Variants in GRIK1 observed in about 807,000 individuals in gnomAD.
The protein encoded by GRIK1 is glutamate ionotropic receptor kainate type subunit 1.
Under a neutral mutation model 105.7 loss-of-function variants are expected in GRIK1, and 69 were observed. The ratio of observed to expected loss-of-function variants is 0.65; its 90% CI spans 0.54 to 0.80. GRIK1 has a LOEUF of 0.80. GRIK1 is among the 30% of genes least tolerant of loss of function. GRIK1 has a pLI of 0.00. For synonymous variants in GRIK1, 438 were observed against 431.3 expected, an observed-to-expected ratio of 1.02 and a Z score of -0.19; for missense variants, 1,109 against 1,167.3, an observed-to-expected ratio of 0.95 and a Z score of 0.73.
intron 1 of GRIK1, among the ~76,000 whole-genome samples, chr21:29,758,020 A>T (rs2065395531): frequency 6.6e-6 from 1 of 152,202 alleles, no homozygotes; most frequent in Non-Finnish European, 1.5e-5. Context: ...CTAATCAGAG[A>T]ACAGTGAAGG....
chr21:29,662,145 C>T (rs981739225), intron 4 of GRIK1, among the ~76,000 whole-genome samples: 2 of 152,194 alleles, frequency 1.3e-5, no homozygotes, highest in African/African-American at 4.8e-5. Context: ...GAAGCTCATA[C>T]TAATAGATAT....
intron 1 of GRIK1, among the ~76,000 whole-genome samples, chr21:29,750,989 T>C (rs2065185340): frequency 6.6e-6 from 1 of 151,702 alleles, no homozygotes; most frequent in Non-Finnish European, 1.5e-5. Context: ...TAGTGGAAAA[T>C]TACAGTCAAA....
Position 29,719,081 on chromosome 21 carries a change from C to CATATATATATATAT in GRIK1, c.119-25032_119-25019dup, listed in dbSNP as rs71335089. Among the ~76,000 whole-genome samples, 320 of 143,306 alleles carry CATATATATATATAT rather than the reference C, an allele frequency of 2.2e-3. 1 individual carries two copies. The highest frequency in any genetic ancestry group is 3.1e-3 in the Admixed American group (44 of 14,244). The allele number at this position is 143,306 out of a possible 152,430, so 94.0% of individuals were successfully genotyped here. A position where few individuals can be genotyped will look rare whatever the true frequency, so the allele number is the denominator to read the frequency against. On this transcript the variant is annotated intron_variant, in intron 1 of 17. Transcript: ENST00000327783. The stretch of plus-strand genomic sequence containing the variant: ...GTAGAAAGGTGTGTGTGTGTATATA[C>CATATATATATATAT]ATATATATATATATATATATGATTG...
At chr21:29,579,985 GTGTATATATA>G (rs201446350) in intron 13 of GRIK1, among the ~76,000 whole-genome samples, 14,329 of 144,404 alleles carry the variant, frequency 0.099, 863 homozygotes, top group African/African-American at 0.17. Flanking sequence ...ATATATATGT[GTGTATATATA>G]TGTATATATA....
chr21:29,768,632 G>T (rs999450945), intron 1 of GRIK1, among the ~76,000 whole-genome samples: 1 of 152,208 alleles, frequency 6.6e-6, no homozygotes, highest in East Asian at 1.9e-4. Flanking sequence ...GGTTGCATGG[G>T]CATATGTGCA....
chr21:29,752,245 T>G (rs1490531289), intron 1 of GRIK1, among the ~76,000 whole-genome samples: 1 of 152,238 alleles, frequency 6.6e-6, no homozygotes, highest in African/African-American at 2.4e-5. Context: ...GGCTGGGACT[T>G]GCTTTCATTA....
At chr21:29,584,057 T>C (rs1261475220) in intron 12 of GRIK1, among the ~76,000 whole-genome samples, 2 of 152,140 alleles carry the variant, frequency 1.3e-5, no homozygotes, top group African/African-American at 4.8e-5. Flanking sequence ...AGAGTAGCCT[T>C]ATGTTGAAAT....
At chr21:29,924,541 T>C (rs902159337) in intron 1 of GRIK1, among the ~76,000 whole-genome samples, 1 of 152,034 alleles carries the variant, frequency 6.6e-6, no homozygotes, top group African/African-American at 2.4e-5. Context: ...ACATTATTGG[T>C]TTACAGATGC....
intron 15 of GRIK1, among the ~76,000 whole-genome samples, chr21:29,560,975 T>TA (rs542753716): frequency 4.9e-4 from 74 of 152,176 alleles, no homozygotes; most frequent in Non-Finnish European, 8.8e-4. Context: ...AATTACCCCT[T>TA]AAATTCTATT....
At chr21:29,904,547 A>G (rs2070534770) in intron 1 of GRIK1, among the ~76,000 whole-genome samples, 1 of 152,150 alleles carries the variant, frequency 6.6e-6, no homozygotes, top group Admixed American at 6.5e-5. Flanking sequence ...GTGTTCTCTG[A>G]CTGTTCAGCC....
Position 29,785,561 on chromosome 21 carries a change from C to CAAA in GRIK1, c.119-91501_119-91499dup, listed in dbSNP as rs950219193. Among the ~76,000 whole-genome samples, 142 of 57,878 alleles carry CAAA rather than the reference C, an allele frequency of 2.5e-3. 1 individual carries two copies. The highest frequency in any genetic ancestry group is 6.3e-3 in the African/African-American group (96 of 15,196). 38.0% of individuals were successfully genotyped at this position (57,878 alleles called of 152,430 possible). ...CCTGGGCGACAGAGTGAGACTGTCT[C>CAAA]AAAAAAAAAAAAAAAAAAAAAAAGC... is the stretch of plus-strand genomic sequence containing the variant. On this transcript the variant is annotated intron_variant, in intron 1 of 17. Coordinates refer to ENST00000327783, the MANE Select transcript of GRIK1 (RefSeq NM_001330994.2).
intron 1 of GRIK1, among the ~76,000 whole-genome samples, chr21:29,798,706 CCT>C (rs1488787541): frequency 6.6e-6 from 1 of 152,188 alleles, no homozygotes; most frequent in Non-Finnish European, 1.5e-5. Flanking sequence ...CCTCTCAATT[CCT>C]GTCTCCAAAT....
intron 1 of GRIK1, among the ~76,000 whole-genome samples, chr21:29,789,682 G>C (rs1469738450): frequency 6.6e-6 from 1 of 152,064 alleles, no homozygotes; most frequent in East Asian, 1.9e-4. Context: ...TTCAAATAAA[G>C]TCTCTATTTT....
chr21:29,704,531 A>T (rs1169255983), intron 1 of GRIK1, among the ~76,000 whole-genome samples: 1 of 152,184 alleles, frequency 6.6e-6, no homozygotes, highest in Non-Finnish European at 1.5e-5. Context: ...TCAGAGCTAA[A>T]TGCAATGATT....
At chr21:29,565,125 TA>T (rs2090582588) in intron 14 of GRIK1, among the ~76,000 whole-genome samples, 1 of 152,204 alleles carries the variant, frequency 6.6e-6, no homozygotes, top group Non-Finnish European at 1.5e-5. Context: ...GGGGACTTGG[TA>T]AGTTGAAGGT....
intron 1 of GRIK1, among the ~76,000 whole-genome samples, chr21:29,835,748 A>G (rs456294): frequency 0.39 from 59,098 of 152,042 alleles, 12,574 homozygotes; most frequent in East Asian, 0.7. Flanking sequence ...TGAAGAAGCC[A>G]TATTTCAGAA....
chr21:29,818,670 A>G (rs2145917589), intron 1 of GRIK1, among the ~76,000 whole-genome samples: 1 of 152,156 alleles, frequency 6.6e-6, no homozygotes, highest in Non-Finnish European at 1.5e-5. Flanking sequence ...CTTTCTCAGT[A>G]TCTATTTGTA....
chr21:29,926,620 A>G (rs1168207541), intron 1 of GRIK1, among the ~76,000 whole-genome samples: 2 of 151,828 alleles, frequency 1.3e-5, no homozygotes, highest in African/African-American at 2.4e-5. Context: ...TAATTTATTT[A>G]TGTATCTTAT....
At chr21:29,831,483 G>C (rs900184901) in intron 1 of GRIK1, among the ~76,000 whole-genome samples, 1 of 152,190 alleles carries the variant, frequency 6.6e-6, no homozygotes, top group African/African-American at 2.4e-5. Context: ...TTGACTCATG[G>C]TTCAACAGAA....
Sources: allele counts gnomAD v4.1 joint callset (sites outside exome capture counted in the v4.1 genomes callset), GRCh38; gene constraint gnomAD v4.1.1; transcripts MANE v1.5; gene names NCBI Gene and HGNC (gene_info 2026-07-23, HGNC 2026-07-21).